The following STXBP5L variants were observed in gnomAD, a reference collection of about 807,000 sequenced individuals.
STXBP5L encodes syntaxin-binding protein 5-like.
STXBP5L carries 65 observed loss-of-function variants against 144.5 expected under a neutral mutation model. That is an observed-to-expected ratio of 0.45 (90% CI 0.37 to 0.55). STXBP5L has a LOEUF of 0.55. Ranked by LOEUF, STXBP5L falls within the 20% of genes least tolerant of loss-of-function variation. The pLI is 0.00. For missense variants in STXBP5L, 1,298 were observed against 1,405.5 expected (o/e 0.92, Z 1.22); for synonymous variants, 505 against 469.6 (o/e 1.08, Z -0.97).
chr3:121,003,600 T>A lies in STXBP5L; in HGVS notation c.288-38100T>A, dbSNP rs558711116. 1.1e-4 allele frequency among the ~76,000 whole-genome samples: 16 copies of A among 152,342 alleles called. No individual in the cohort carries two copies. The East Asian group carries it at 3.1e-3, about 29-fold the overall frequency. On this transcript the variant is annotated intron_variant, in intron 3 of 26. Coordinates refer to ENST00000471454, the MANE Select transcript of STXBP5L (RefSeq NM_001308330.2). ...TTTTGGCTTTTGTTGCCATTGCTTT[T>A]GGTGTTTTAGACATGAAGTCCTTGC...
intron 3 of STXBP5L, among the ~76,000 whole-genome samples, chr3:121,000,118 G>T (rs188054470): frequency 1.3e-5 from 2 of 152,200 alleles, no homozygotes; most frequent in African/African-American, 4.8e-5. Context: ...GTATCTTCCA[G>T]GGGTTCTCTG....
Position 121,305,458 on chromosome 3 carries a change from G to A in STXBP5L, c.2111-13017G>A, listed in dbSNP as rs552183608. Among the ~76,000 whole-genome samples, 14 of 152,118 alleles carry A rather than the reference G, an allele frequency of 9.2e-5. No individual in the cohort carries two copies. In the South Asian group the frequency reaches 1.0e-3, roughly 11 times the overall value. Reference sequence around the variant, plus strand: ...GACAAACATATAAAAGAAAGATAAAGCATCATAACCAAGGTGGATTTATCC... The same window carrying A: ...GACAAACATATAAAAGAAAGATAAAACATCATAACCAAGGTGGATTTATCC... On this transcript the variant is annotated intron_variant, in intron 19 of 26. Coordinates refer to ENST00000471454, the MANE Select transcript of STXBP5L (RefSeq NM_001308330.2).
chr3:121,349,641 C>G (rs545393649), intron 20 of STXBP5L, among the ~76,000 whole-genome samples: 1 of 152,022 alleles, frequency 6.6e-6, no homozygotes, highest in South Asian at 2.1e-4. Flanking sequence ...CTGGGTACCC[C>G]TGTATTGGGG....
chr3:121,120,031 T>C (rs995522192), intron 6 of STXBP5L, among the ~76,000 whole-genome samples: 1 of 151,406 alleles, frequency 6.6e-6, no homozygotes, highest in Non-Finnish European at 1.5e-5. Context: ...TTCAATGGAC[T>C]AATAATTTTG....
chr3:121,020,843 A>G (rs1945498195), intron 3 of STXBP5L, among the ~76,000 whole-genome samples: 1 of 119,714 alleles, frequency 8.4e-6, no homozygotes, highest in Admixed American at 9.6e-5. Context: ...CTATAAAACA[A>G]TACAATGAAA....
At chr3:121,034,658 A>G (rs1576727726) in intron 3 of STXBP5L, among the ~76,000 whole-genome samples, 1 of 152,210 alleles carries the variant, frequency 6.6e-6, no homozygotes, top group East Asian at 1.9e-4. Context: ...TGTATCTGCT[A>G]TTGCGAATAG....
At chr3:121,039,242 G>A (rs1946973852) in intron 3 of STXBP5L, among the ~76,000 whole-genome samples, 1 of 151,668 alleles carries the variant, frequency 6.6e-6, no homozygotes, top group Non-Finnish European at 1.5e-5. Context: ...CTCCTTCGTT[G>A]GCTAATTAGC....
chr3:121,327,451 T>C (rs918688031), intron 20 of STXBP5L, among the ~76,000 whole-genome samples: 2 of 152,158 alleles, frequency 1.3e-5, no homozygotes, highest in African/African-American at 2.4e-5. Flanking sequence ...CATCATCTGA[T>C]CTTTAGGCCA....
intron 3 of STXBP5L, among the ~76,000 whole-genome samples, chr3:120,969,594 A>T (rs895439181): frequency 5.9e-5 from 9 of 151,580 alleles, no homozygotes; most frequent in African/African-American, 1.7e-4. Flanking sequence ...TTGCTTTTGG[A>T]GTCTTAGGCA....
At chr3:120,924,110 G>A (rs1368948643) in intron 2 of STXBP5L, among the ~76,000 whole-genome samples, 1 of 152,046 alleles carries the variant, frequency 6.6e-6, no homozygotes, top group Admixed American at 6.5e-5. Flanking sequence ...TCATGGACAA[G>A]CTTATTTCAT....
intron 6 of STXBP5L, among the ~76,000 whole-genome samples, chr3:121,117,484 GCTCT>G (rs2044282451): frequency 6.6e-6 from 1 of 151,532 alleles, no homozygotes; most frequent in African/African-American, 2.4e-5. Flanking sequence ...TCTTTTCATT[GCTCT>G]CTACCTCTTG....
chr3:120,964,252 G>GT (rs1363499075), intron 3 of STXBP5L, among the ~76,000 whole-genome samples: 6 of 152,076 alleles, frequency 3.9e-5, no homozygotes, highest in African/African-American at 7.2e-5. Context: ...GTTTTGAAGG[G>GT]TTTTTTGTGT....
At chr3:121,078,820 G>A (rs1357691460) in intron 5 of STXBP5L, among the ~76,000 whole-genome samples, 2 of 152,270 alleles carry the variant, frequency 1.3e-5, no homozygotes, top group Non-Finnish European at 2.9e-5. Flanking sequence ...CATTGCCTGG[G>A]TCCGGCAGGG....
intron 9 of STXBP5L, among the ~76,000 whole-genome samples, chr3:121,178,691 C>A (rs2047026782): frequency 6.6e-6 from 1 of 152,112 alleles, no homozygotes; most frequent in African/African-American, 2.4e-5. Context: ...TTAACCTTAC[C>A]TGGAGCTGGA....
intron 22 of STXBP5L, among the ~76,000 whole-genome samples, chr3:121,397,458 C>A (rs963160507): frequency 2.0e-5 from 3 of 152,210 alleles, no homozygotes; most frequent in African/African-American, 7.2e-5. Context: ...CCTCCAGTTT[C>A]TCTTTACTTA....
intron 5 of STXBP5L, among the ~76,000 whole-genome samples, chr3:121,057,107 T>C (rs2107615938): frequency 6.6e-6 from 1 of 151,636 alleles, no homozygotes; most frequent in African/African-American, 2.4e-5. Flanking sequence ...TACATAACAA[T>C]GAAAATAAAT....
chr3:121,423,187 G>A lies in STXBP5L; in HGVS notation c.*4090G>A, dbSNP rs1221159753. On this transcript the variant is annotated 3_prime_UTR_variant, in exon 27 of 27. Transcript: ENST00000471454. ...TATCAGGTCTTGGTATCTGTGTCAG[G>A]AGAAACGTGGTGGCTTTCACAGCTT... The A allele has an allele frequency of 6.6e-6, 1 of 152,242 alleles. No individual in the cohort carries two copies. Among genetic ancestry groups the A allele is most frequent in the African/African-American group, 2.4e-5 (1 of 41,438 alleles). 9.4% of individuals were successfully genotyped at this position (152,242 alleles called of 1,614,324 possible).
In STXBP5L at chr3:121,413,222, C is replaced by T; in HGVS notation, c.3013C>T (p.Arg1005Ter). Reference sequence around the variant, plus strand: ...GCCACTGACAGACATGAGGATAGCACGAACATTTTGTTTTACCAATGAAGG... The same window carrying T: ...GCCACTGACAGACATGAGGATAGCATGAACATTTTGTTTTACCAATGAAGG... ...YLPLTDMRIA[R>*]TFCFTNEGQA... The change falls in exon 24 of 27, where the codon CGA (arginine) becomes TGA (stop). Residue 1005 changes from arginine (R) to a stop codon, truncating the protein, a stop_gained. Coordinates refer to ENST00000471454, the MANE Select transcript of STXBP5L (RefSeq NM_001308330.2). LOFTEE classifies it high-confidence loss of function. The T allele has an allele frequency of 1.2e-6, 2 of 1,610,536 alleles. No individual in the cohort carries two copies. Among genetic ancestry groups the T allele is most frequent in the Non-Finnish European group, 1.7e-6 (2 of 1,178,958 alleles).
chr3:120,967,257 G>A (rs985336606), intron 3 of STXBP5L, among the ~76,000 whole-genome samples: 41 of 152,270 alleles, frequency 2.7e-4, no homozygotes, highest in Middle Eastern at 3.4e-3. Flanking sequence ...CACTTCCTGG[G>A]TGAGACAATG....
Sources: allele counts gnomAD v4.1 joint callset (sites outside exome capture counted in the v4.1 genomes callset), GRCh38; gene constraint gnomAD v4.1.1; transcripts MANE v1.5; gene names NCBI Gene and HGNC (gene_info 2026-07-23, HGNC 2026-07-21).